Variants in FSIP1 observed in about 807,000 individuals in gnomAD.
FSIP1 encodes the protein fibrous sheath-interacting protein 1.
FSIP1 carries 65 observed loss-of-function variants against 60.9 expected under a neutral mutation model. That is an observed-to-expected ratio of 1.07 (90% CI 0.87 to 1.31). FSIP1 has a LOEUF of 1.31. Among genes scored for constraint, FSIP1 ranks in the 40% most tolerant of loss-of-function variants. The probability of loss-of-function intolerance (pLI) is 0.00; values close to 1 mark genes in which losing one functional copy is unlikely to be tolerated. For synonymous variants in FSIP1, 209 were observed against 221.2 expected, an observed-to-expected ratio of 0.94 and a Z score of 0.49; for missense variants, 675 against 665.5, an observed-to-expected ratio of 1.01 and a Z score of -0.16.
chr15:39,674,622 G>C (rs1472861487), intron 10 of FSIP1, among the ~76,000 whole-genome samples: 2 of 151,600 alleles, frequency 1.3e-5, no homozygotes, highest in Non-Finnish European at 2.9e-5. Context: ...ATATGACAGA[G>C]ATGGTGAGTT....
chr15:39,704,989 T>A (rs1259028556), intron 10 of FSIP1, among the ~76,000 whole-genome samples: 1 of 152,062 alleles, frequency 6.6e-6, no homozygotes, highest in East Asian at 1.9e-4. Flanking sequence ...AGAAAGAATG[T>A]GGATAGAAAT....
At chr15:39,633,243 T>C (rs981204643) in intron 10 of FSIP1, among the ~76,000 whole-genome samples, 3 of 151,924 alleles carry the variant, frequency 2.0e-5, no homozygotes, top group Non-Finnish European at 4.4e-5. Flanking sequence ...GCACGCACCA[T>C]TGCGTCCAGC....
chr15:39,602,464 A>T (rs1179328645), intron 11 of FSIP1: 2 of 437,010 alleles, frequency 4.6e-6, no homozygotes, highest in Non-Finnish European at 9.1e-6. Flanking sequence ...TAGGAAACTA[A>T]TACAAATATA....
intron 10 of FSIP1, among the ~76,000 whole-genome samples, chr15:39,656,481 G>A (rs1004208228): frequency 3.3e-5 from 5 of 152,140 alleles, no homozygotes; most frequent in Admixed American, 6.5e-5. Flanking sequence ...ACTAACGATT[G>A]TCTGAGAGTG....
At chr15:39,636,926 C>T (rs1055002512) in intron 10 of FSIP1, among the ~76,000 whole-genome samples, 1 of 152,204 alleles carries the variant, frequency 6.6e-6, no homozygotes, top group East Asian at 1.9e-4. Context: ...TTTCTTTAAG[C>T]TGTCTGCCAC....
Position 39,600,941 on chromosome 15 carries a change from A to G in FSIP1, c.1700-15T>C. The G allele has an allele frequency of 6.3e-7, 1 of 1,599,010 alleles. No individual in the cohort carries two copies. Among genetic ancestry groups the G allele is most frequent in the Non-Finnish European group, 8.5e-7 (1 of 1,172,412 alleles). On this transcript the variant is annotated splice_polypyrimidine_tract_variant and intron_variant, in intron 11 of 11. Coordinates refer to ENST00000350221, the MANE Select transcript of FSIP1 (RefSeq NM_152597.5). Reference sequence around the variant, plus strand: ...CTCCTGCTCATCTGCACATAAAAACAATAACCACAGTTATTAGAGATTCAG... The same window carrying G: ...CTCCTGCTCATCTGCACATAAAAACGATAACCACAGTTATTAGAGATTCAG...
intron 8 of FSIP1, among the ~76,000 whole-genome samples, chr15:39,727,642 G>T (rs1434276092): frequency 6.6e-6 from 1 of 152,140 alleles, no homozygotes; most frequent in East Asian, 1.9e-4. Flanking sequence ...AGATACACAG[G>T]AAGTAGAATT....
rs578198602 is a variant in FSIP1 at position 39,705,296 on chromosome 15, C to T, written c.1188+8148G>A. 2.0e-5 allele frequency among the ~76,000 whole-genome samples: 3 copies of T among 152,020 alleles called. 1 individual carries two copies. Among genetic ancestry groups the T allele is most frequent in the African/African-American group, 7.2e-5 (3 of 41,454 alleles). The stretch of plus-strand genomic sequence containing the variant: ...TCATCAAAGGTATTTTTACCTAACC[C>T]TAGAAGTCAAAAATGTTCTTTATTT... On this transcript the variant is annotated intron_variant, in intron 10 of 11. Transcript: ENST00000350221.
intron 10 of FSIP1, among the ~76,000 whole-genome samples, chr15:39,635,064 G>A (rs918588561): frequency 1.3e-5 from 2 of 152,150 alleles, no homozygotes; most frequent in East Asian, 3.9e-4. Flanking sequence ...GGCTGGGTGC[G>A]GTAGCTCACG....
intron 11 of FSIP1, among the ~76,000 whole-genome samples, chr15:39,611,251 A>C (rs929163795): frequency 2.0e-5 from 3 of 152,254 alleles, no homozygotes; most frequent in Non-Finnish European, 4.4e-5. Context: ...TAAAGTATTG[A>C]GATTTTATAT....
intron 10 of FSIP1, among the ~76,000 whole-genome samples, chr15:39,632,333 T>C (rs1200824978): frequency 6.6e-6 from 1 of 152,008 alleles, no homozygotes; most frequent in Non-Finnish European, 1.5e-5. Context: ...CGCACCACCA[T>C]GCCCGGCTAA....
At chr15:39,738,655 A>G (rs1047822361) in intron 7 of FSIP1, among the ~76,000 whole-genome samples, 1 of 152,186 alleles carries the variant, frequency 6.6e-6, no homozygotes, top group African/African-American at 2.4e-5. Flanking sequence ...AGAGAAATCT[A>G]CGGTAGACCT....
chr15:39,759,679 A>C (rs955739970), intron 5 of FSIP1, among the ~76,000 whole-genome samples: 3 of 152,172 alleles, frequency 2.0e-5, no homozygotes, highest in South Asian at 2.1e-4. Flanking sequence ...ATCCAGAATC[A>C]AGATGTCAGC....
chr15:39,618,951 AAT>A (rs1387085742), intron 10 of FSIP1, among the ~76,000 whole-genome samples: 13 of 152,188 alleles, frequency 8.5e-5, no homozygotes, highest in African/African-American at 2.9e-4. Flanking sequence ...CTGAAAAAAA[AAT>A]GTCTACTTCC....
chr15:39,765,223 T>A lies in FSIP1; in HGVS notation c.465+369A>T, dbSNP rs987938710. On this transcript the variant is annotated intron_variant, in intron 4 of 11. Coordinates refer to ENST00000350221, the MANE Select transcript of FSIP1 (RefSeq NM_152597.5). ...CCATGGTCCATGATTTTCTTACTCA[T>A]CTTAGAGGAAATTCTTTCTTTTTTT... Among the ~76,000 whole-genome samples, 13 of 150,264 alleles carry A rather than the reference T, an allele frequency of 8.7e-5. No individual in the cohort carries two copies. The South Asian group carries it at 1.5e-3, about 17-fold the overall frequency.
At chr15:39,663,967 C>T (rs1893399207) in intron 10 of FSIP1, among the ~76,000 whole-genome samples, 1 of 152,086 alleles carries the variant, frequency 6.6e-6, no homozygotes. Flanking sequence ...TGGATCCATT[C>T]CTAATGGTAA....
chr15:39,720,498 C>T (rs776156074), intron 9 of FSIP1, among the ~76,000 whole-genome samples: 3 of 151,994 alleles, frequency 2.0e-5, no homozygotes, highest in Non-Finnish European at 4.4e-5. Flanking sequence ...CCTCCCCAAC[C>T]AGAAAAAAAA....
At chr15:39,728,158 C>T (rs979043156) in intron 8 of FSIP1, among the ~76,000 whole-genome samples, 4 of 152,296 alleles carry the variant, frequency 2.6e-5, no homozygotes, top group Admixed American at 1.3e-4. Flanking sequence ...AATGGAAAAA[C>T]ATTCCATGCT....
intron 10 of FSIP1, among the ~76,000 whole-genome samples, chr15:39,664,486 T>A (rs1893419465): frequency 6.6e-6 from 1 of 152,162 alleles, no homozygotes; most frequent in Non-Finnish European, 1.5e-5. Flanking sequence ...AATCAACCTG[T>A]AGCCAAGGAG....
Sources: gnomAD v4.1 joint callset for allele counts (sites outside exome capture counted in the v4.1 genomes callset) on GRCh38, gnomAD v4.1.1 for gene constraint, MANE v1.5 for transcripts, NCBI Gene and HGNC (gene_info 2026-07-23, HGNC 2026-07-21) for gene names.